Variants in SNX29 observed in about 807,000 individuals in gnomAD.
The protein encoded by SNX29 is sorting nexin 29, also known as sorting nexin-29.
In SNX29, 78 loss-of-function variants were observed where a neutral mutation model predicts 102.1. The observed-to-expected ratio is 0.76, with a 90% CI of 0.64 to 0.92. SNX29 has a LOEUF of 0.92. SNX29 is among the 40% of genes least tolerant of loss of function. The pLI is 0.00. For missense variants in SNX29, 1,280 were observed against 1,061.7 expected (o/e 1.21, Z -2.86); for synonymous variants, 580 against 414.5 (o/e 1.40, Z -4.85).
At chr16:12,451,234 T>A (rs1462970347) in intron 18 of SNX29, among the ~76,000 whole-genome samples, 15 of 152,234 alleles carry the variant, frequency 9.9e-5, no homozygotes. Context: ...ATTAGGTTCA[T>A]AAACACAATT....
At chr16:12,158,120 C>T (rs778722753) in intron 13 of SNX29, among the ~76,000 whole-genome samples, 7 of 152,116 alleles carry the variant, frequency 4.6e-5, no homozygotes, top group Non-Finnish European at 8.8e-5. Flanking sequence ...ACTCTGTTGC[C>T]CAGGCTTGAT....
chr16:12,465,231 A>G (rs906166797), intron 18 of SNX29, among the ~76,000 whole-genome samples: 3 of 151,992 alleles, frequency 2.0e-5, no homozygotes, highest in Non-Finnish European at 2.9e-5. Context: ...ATGTAGTCCA[A>G]CTTATTTTGT....
At chr16:12,230,627 A>C (rs2077739893) in intron 14 of SNX29, among the ~76,000 whole-genome samples, 1 of 152,208 alleles carries the variant, frequency 6.6e-6, no homozygotes, top group South Asian at 2.1e-4. Context: ...TTTGTTTTTT[A>C]ACGAATGAGC....
intron 13 of SNX29, among the ~76,000 whole-genome samples, chr16:12,154,926 C>T (rs1482501969): frequency 6.6e-6 from 1 of 152,228 alleles, no homozygotes; most frequent in Admixed American, 6.5e-5. Context: ...ATATCATCAT[C>T]TTGGAGGTTA....
chr16:12,273,937 A>G (rs2079167862), intron 14 of SNX29, among the ~76,000 whole-genome samples: 1 of 152,170 alleles, frequency 6.6e-6, no homozygotes, highest in Admixed American at 6.5e-5. Flanking sequence ...TCATGGCTGA[A>G]TAGTACAACC....
intron 15 of SNX29, among the ~76,000 whole-genome samples, chr16:12,333,883 C>T (rs1289629716): frequency 6.6e-6 from 1 of 152,134 alleles, no homozygotes; most frequent in Non-Finnish European, 1.5e-5. Flanking sequence ...TGGAGAATGA[C>T]AGGTGTGGCT....
At position 11,976,783 on chromosome 16, in the gene SNX29, G is replaced by A; in HGVS notation, c.-24G>A. On this transcript the variant is annotated 5_prime_UTR_variant, in exon 1 of 21. Transcript: ENST00000566228. The stretch of plus-strand genomic sequence containing the variant: ...GCGGCAGCGGCGGCGGCGCGGCGCA[G>A]GCACCGGCCCGGGGAGAGGCACCAT... The A allele has an allele frequency of 1.5e-6, 2 of 1,351,574 alleles. No individual in the cohort carries two copies. Among genetic ancestry groups the A allele is most frequent in the Non-Finnish European group, 1.9e-6 (2 of 1,050,700 alleles). 83.7% of individuals were successfully genotyped at this position (1,351,574 alleles called of 1,614,324 possible).
At chr16:12,168,478 A>T (rs2076067865) in intron 13 of SNX29, among the ~76,000 whole-genome samples, 1 of 152,292 alleles carries the variant, frequency 6.6e-6, no homozygotes, top group East Asian at 1.9e-4. Flanking sequence ...TGTTGCTCCT[A>T]TTCTAGGTTC....
intron 16 of SNX29, among the ~76,000 whole-genome samples, chr16:12,388,642 A>G (rs9929114): frequency 0.027 from 4,147 of 152,288 alleles, 171 homozygotes; most frequent in African/African-American, 0.094. Flanking sequence ...GCGGTCATAG[A>G]TGATACATAA....
chr16:12,531,245 A>G (rs2076924502), intron 20 of SNX29, among the ~76,000 whole-genome samples: 2 of 152,200 alleles, frequency 1.3e-5, no homozygotes, highest in African/African-American at 4.8e-5. Flanking sequence ...AGAACAGGGC[A>G]CTTGGCCCTA....
intron 15 of SNX29, among the ~76,000 whole-genome samples, chr16:12,336,608 G>C (rs1417732225): frequency 6.6e-6 from 1 of 152,236 alleles, no homozygotes; most frequent in Non-Finnish European, 1.5e-5. Flanking sequence ...CAAGTGACAA[G>C]TCACCTGTCC....
At chr16:12,308,223 C>G (rs1365071189) in intron 15 of SNX29, among the ~76,000 whole-genome samples, 1 of 152,234 alleles carries the variant, frequency 6.6e-6, no homozygotes, top group African/African-American at 2.4e-5. Context: ...ACATTTATGC[C>G]TACTGCTCAT....
intron 20 of SNX29, among the ~76,000 whole-genome samples, chr16:12,568,257 C>G (rs918837042): frequency 6.7e-6 from 1 of 149,538 alleles, no homozygotes; most frequent in Non-Finnish European, 1.5e-5. Context: ...GTACCATGAG[C>G]TAGCTCAGAC....
chr16:12,537,997 A>G (rs1029886160), intron 20 of SNX29, among the ~76,000 whole-genome samples: 1 of 150,706 alleles, frequency 6.6e-6, no homozygotes, highest in Non-Finnish European at 1.5e-5. Flanking sequence ...AAAAAAAAAA[A>G]AAAAAATTGT....
At chr16:12,535,839 T>C (rs1301798255) in intron 20 of SNX29, among the ~76,000 whole-genome samples, 1 of 152,094 alleles carries the variant, frequency 6.6e-6, no homozygotes, top group African/African-American at 2.4e-5. Context: ...TCTCAGTGCT[T>C]AGATCGGCCA....
At chr16:12,419,997 T>G (rs1247728550) in intron 18 of SNX29, among the ~76,000 whole-genome samples, 1 of 152,172 alleles carries the variant, frequency 6.6e-6, no homozygotes, top group African/African-American at 2.4e-5. Context: ...AGGGCCAGTT[T>G]GGTGAAATAT....
intron 18 of SNX29, among the ~76,000 whole-genome samples, chr16:12,472,177 A>AT (rs1218734524): frequency 1.3e-5 from 2 of 152,238 alleles, no homozygotes; most frequent in African/African-American, 4.8e-5. Context: ...ACTGAGTGAA[A>AT]GAAACTAGAC....
intron 16 of SNX29, among the ~76,000 whole-genome samples, chr16:12,391,280 C>T (rs906983318): frequency 6.6e-6 from 1 of 152,166 alleles, no homozygotes. Flanking sequence ...CTGATACATA[C>T]CACAAATACC....
chr16:12,427,417 A>G (rs1238656986), intron 18 of SNX29, among the ~76,000 whole-genome samples: 1 of 152,180 alleles, frequency 6.6e-6, no homozygotes, highest in East Asian at 1.9e-4. Flanking sequence ...TTCTCTGGGT[A>G]GTGAGATTTT....
Sources: gnomAD v4.1 joint callset for allele counts (sites outside exome capture counted in the v4.1 genomes callset) on GRCh38, gnomAD v4.1.1 for gene constraint, MANE v1.5 for transcripts, NCBI Gene and HGNC (gene_info 2026-07-23, HGNC 2026-07-21) for gene names.